FMN1: variants seen among roughly 807,000 people sequenced by gnomAD.
FMN1 encodes formin-1.
Under a neutral mutation model 132.4 loss-of-function variants are expected in FMN1, and 110 were observed. That is an observed-to-expected ratio of 0.83 (90% CI 0.71 to 0.97). FMN1 has a LOEUF of 0.97. Ranked by LOEUF, FMN1 falls within the 50% of genes least tolerant of loss-of-function variation. The pLI is 0.00. For missense variants in FMN1, 1,792 were observed against 1,705.3 expected, an observed-to-expected ratio of 1.05 and a Z score of -0.90; for synonymous variants, 722 against 651.7, an observed-to-expected ratio of 1.11 and a Z score of -1.64.
In FMN1 at chr15:32,979,938, G is replaced by A. The variant is rs114612836; in HGVS notation, c.2224-10461C>T. 3.1e-3 allele frequency among the ~76,000 whole-genome samples: 468 copies of A among 152,338 alleles called. 3 individuals are homozygous for A. Among genetic ancestry groups the A allele is most frequent in the Middle Eastern group, 0.01 (3 of 294 alleles). On this transcript the variant is annotated intron_variant, in intron 7 of 20. Transcript: ENST00000616417. ...TTCATTACTTAAACAAATGACCGAT[G>A]ATGCATGCATGGATCACAATCACCT...
chr15:33,078,882 T>C (rs2038334637), intron 5 of FMN1, among the ~76,000 whole-genome samples: 2 of 152,178 alleles, frequency 1.3e-5, no homozygotes, highest in African/African-American at 4.8e-5. Context: ...GGTTGGAAGA[T>C]ACCATGTGAG....
At chr15:32,964,766 C>T (rs2140612231) in intron 8 of FMN1, among the ~76,000 whole-genome samples, 1 of 152,322 alleles carries the variant, frequency 6.6e-6, no homozygotes, top group Non-Finnish European at 1.5e-5. Context: ...TGCAGGTAAA[C>T]TCAGTGCAGC....
intron 12 of FMN1, among the ~76,000 whole-genome samples, chr15:32,903,036 C>T (rs185738617): frequency 6.6e-6 from 1 of 152,328 alleles, no homozygotes; most frequent in Admixed American, 6.5e-5. Flanking sequence ...AAGCCTACTT[C>T]TTTCTATACC....
At chr15:32,944,107 T>TGGGGAA (rs2061454965) in intron 9 of FMN1, among the ~76,000 whole-genome samples, 1 of 152,184 alleles carries the variant, frequency 6.6e-6, no homozygotes, top group Non-Finnish European at 1.5e-5. Flanking sequence ...AGGGAGTGCC[T>TGGGGAA]GGGGAAGGGG....
At chr15:33,129,050 A>C (rs1415717818) in intron 4 of FMN1, among the ~76,000 whole-genome samples, 6 of 151,512 alleles carry the variant, frequency 4.0e-5, no homozygotes, top group South Asian at 2.1e-4. Context: ...AGCTAGACAC[A>C]GAGCACTGAT....
chr15:33,012,924 T>C, intron 6 of FMN1: 1 of 523,520 alleles, frequency 1.9e-6, no homozygotes, highest in Non-Finnish European at 3.7e-6. Flanking sequence ...ACCACCGGTC[T>C]TCAAATTTTT....
intron 17 of FMN1, among the ~76,000 whole-genome samples, chr15:32,849,506 A>G (rs1165343521): frequency 6.6e-6 from 1 of 152,174 alleles, no homozygotes; most frequent in African/African-American, 2.4e-5. Flanking sequence ...ATGTATGGAA[A>G]TACCATAATT....
At chr15:33,166,516 T>C (rs1965115327) in intron 3 of FMN1, among the ~76,000 whole-genome samples, 1 of 152,228 alleles carries the variant, frequency 6.6e-6, no homozygotes, top group South Asian at 2.1e-4. Flanking sequence ...CATTTAAATA[T>C]AATTTTATTA....
At chr15:33,016,002 G>A (rs528291058) in intron 6 of FMN1, among the ~76,000 whole-genome samples, 2 of 152,148 alleles carry the variant, frequency 1.3e-5, no homozygotes, top group Non-Finnish European at 1.5e-5. Context: ...TGGATTTATT[G>A]ACTTGGAATC....
rs1335384862 is a variant in FMN1 at position 33,106,148 on chromosome 15, T to C, written c.1868-17174A>G. ...GCAGAAAATATCCAGGAACTTTTGC[T>C]TATGGGATTCTCAGTACTTCCTGGT... On this transcript the variant is annotated intron_variant, in intron 4 of 20. Transcript: ENST00000616417. The C allele has an allele frequency of 6.6e-5, 10 of 152,090 alleles. No homozygotes were observed. The East Asian group carries it at 1.9e-3, about 29-fold the overall frequency. The allele number at this position is 152,090 out of a possible 1,614,324, so 9.4% of individuals were successfully genotyped here.
chr15:32,953,953 G>A lies in FMN1; in HGVS notation c.3138+10154C>T, dbSNP rs78487236. Among the ~76,000 whole-genome samples the A allele has an allele frequency of 1.0e-2, 1,516 of 152,264 alleles. 25 individuals carry two copies. The highest frequency in any genetic ancestry group is 0.035 in the African/African-American group (1,444 of 41,538). ...TCAGTTTAAAAATGTATGTGGGAAC[G>A]TATCCACATTCAGCTAAGTTCTGAG... is the stretch of plus-strand genomic sequence containing the variant. On this transcript the variant is annotated intron_variant, in intron 9 of 20. Coordinates refer to ENST00000616417, the MANE Select transcript of FMN1 (RefSeq NM_001277313.2).
chr15:32,964,343 T>A (rs28562592), intron 8 of FMN1, 86 bp from the exon 9 acceptor site: 37,524 of 977,020 alleles, frequency 0.038, 924 homozygotes, highest in East Asian at 0.11. Context: ...ATCCATTTTT[T>A]AATTTCATTT....
Position 33,088,901 on chromosome 15 carries a change from T to C in FMN1, c.1941A>G (p.Gly647=). 6.5e-7 allele frequency: 1 copy of C among 1,535,906 alleles called. No homozygotes were observed. Among genetic ancestry groups the C allele is most frequent in the Non-Finnish European group, 8.7e-7 (1 of 1,146,818 alleles). ...QTPKDLPNRD[G]GAWVLGYRAG... ...CTCTGTAGCCCAGAACCCACGCGCCTCCATCTCTGTTGGGAAGGTCTTTAG... is the reference window on the plus strand; with the variant it reads ...CTCTGTAGCCCAGAACCCACGCGCCCCCATCTCTGTTGGGAAGGTCTTTAG... Residue 647 remains glycine, a synonymous_variant, in exon 5 of 21, where the codon GGA becomes GGG. Transcript: ENST00000616417.
At chr15:32,866,599 C>G (rs1020342280) in intron 16 of FMN1, among the ~76,000 whole-genome samples, 2 of 150,884 alleles carry the variant, frequency 1.3e-5, no homozygotes, top group Non-Finnish European at 2.9e-5. Flanking sequence ...GTTTAATAAA[C>G]AAATCATGTT....
At chr15:33,102,485 C>G (rs1474192146) in intron 4 of FMN1, among the ~76,000 whole-genome samples, 1 of 152,032 alleles carries the variant, frequency 6.6e-6, no homozygotes, top group Non-Finnish European at 1.5e-5. Context: ...TAAGTCACCC[C>G]TAAATGACCA....
chr15:33,083,007 T>G (rs767681175), intron 5 of FMN1, among the ~76,000 whole-genome samples: 4 of 152,160 alleles, frequency 2.6e-5, no homozygotes, highest in African/African-American at 9.7e-5. Context: ...TTGCCCATAA[T>G]AGTCTACAGA....
Position 32,792,211 on chromosome 15 carries a change from G to A in FMN1, c.4130+6593C>T, listed in dbSNP as rs368812644. On this transcript the variant is annotated intron_variant, in intron 19 of 20. Transcript: ENST00000616417. ...GTGGCACACTTTGGGAGGCCGAGGCGGGCAGATCACGAGGTCAGGAGATTG... is the reference window on the plus strand; with the variant it reads ...GTGGCACACTTTGGGAGGCCGAGGCAGGCAGATCACGAGGTCAGGAGATTG... Among the ~76,000 whole-genome samples, 26 of 150,832 alleles carry A rather than the reference G, an allele frequency of 1.7e-4. No homozygotes were observed. The Middle Eastern group carries it at 0.01, about 59-fold the overall frequency.
chr15:32,941,290 C>G (rs11072073), intron 9 of FMN1, among the ~76,000 whole-genome samples: 13,001 of 152,102 alleles, frequency 0.085, 876 homozygotes, highest in African/African-American at 0.18. Context: ...TAAGATTTTG[C>G]TTATCCAATG....
At chr15:33,000,397 C>T (rs992990865) in intron 7 of FMN1, among the ~76,000 whole-genome samples, 32 of 144,596 alleles carry the variant, frequency 2.2e-4, no homozygotes, top group Non-Finnish European at 4.0e-4. Flanking sequence ...TGCAGTGAGC[C>T]GAGATCCTGC....
Sources: allele counts gnomAD v4.1 joint callset (sites outside exome capture counted in the v4.1 genomes callset), GRCh38; gene constraint gnomAD v4.1.1; transcripts MANE v1.5; gene names NCBI Gene and HGNC (gene_info 2026-07-23, HGNC 2026-07-21).